The following SRRM4 variants were observed in gnomAD, a reference collection of about 807,000 sequenced individuals.
The protein encoded by SRRM4 is serine/arginine repetitive matrix 4, also known as serine/arginine repetitive matrix protein 4.
In SRRM4, 33 loss-of-function variants were observed where a neutral mutation model predicts 68.9. The ratio of observed to expected loss-of-function variants is 0.48; its 90% CI spans 0.36 to 0.64. SRRM4 has a LOEUF of 0.64. SRRM4 is among the 30% of genes least tolerant of loss of function. The pLI is 0.00. For missense variants in SRRM4, 817 were observed against 827.1 expected (o/e 0.99, Z 0.15); for synonymous variants, 318 against 318.8 (o/e 1.00, Z 0.03).
At chr12:118,992,652 T>A (rs1206963850) in intron 1 of SRRM4, among the ~76,000 whole-genome samples, 1 of 152,178 alleles carries the variant, frequency 6.6e-6, no homozygotes, top group Non-Finnish European at 1.5e-5. Flanking sequence ...CCATCATCAT[T>A]ATAGCACCTT....
Position 119,113,905 on chromosome 12 carries a change from G to A in SRRM4, c.279-373G>A, listed in dbSNP as rs115903529. On this transcript the variant is annotated intron_variant, in intron 2 of 12. Coordinates refer to ENST00000267260, the MANE Select transcript of SRRM4 (RefSeq NM_194286.4). ...CTATTAAATTTCCAGCAGGAACTAC[G>A]GACACGATATATTGGGGAGGGAGGG... Among the ~76,000 whole-genome samples, 335 of 152,198 alleles carry A rather than the reference G, an allele frequency of 2.2e-3. 2 individuals carry two copies. The highest frequency in any genetic ancestry group is 7.8e-3 in the African/African-American group (323 of 41,538).
chr12:119,145,374 C>T lies in SRRM4; in HGVS notation c.772-7C>T, dbSNP rs1386822972. On this transcript the variant is annotated splice_region_variant and splice_polypyrimidine_tract_variant and intron_variant, in intron 8 of 12. Transcript: ENST00000267260. ...CAGCAGTGTCCAACGGGTCTTTTTGCTTTCAGATCACTGGGTCGGGGTCTG... is the reference window on the plus strand; with the variant it reads ...CAGCAGTGTCCAACGGGTCTTTTTGTTTTCAGATCACTGGGTCGGGGTCTG... The T allele has an allele frequency of 6.3e-7, 1 of 1,597,652 alleles. No homozygotes were observed. Among genetic ancestry groups the T allele is most frequent in the Non-Finnish European group, 8.5e-7 (1 of 1,171,774 alleles).
At chr12:119,120,535 TACC>T (rs1361506338) in intron 5 of SRRM4, among the ~76,000 whole-genome samples, 1 of 14,548 alleles carries the variant, frequency 6.9e-5, no homozygotes, top group Non-Finnish European at 1.2e-4. Context: ...GTCTCATTAC[TACC>T]CCTGCCACTG....
At chr12:119,117,724 C>T (rs1433424447) in intron 4 of SRRM4, among the ~76,000 whole-genome samples, 1 of 152,070 alleles carries the variant, frequency 6.6e-6, no homozygotes, top group Non-Finnish European at 1.5e-5. Context: ...CCATCCTGGC[C>T]AACATGGTGA....
chr12:119,037,341 T>G (rs1448252580), intron 1 of SRRM4, among the ~76,000 whole-genome samples: 1 of 152,008 alleles, frequency 6.6e-6, no homozygotes. Context: ...CAATCCAGAA[T>G]GCAAACAGAT....
At chr12:119,096,194 T>C (rs1954043636) in intron 1 of SRRM4, among the ~76,000 whole-genome samples, 1 of 149,738 alleles carries the variant, frequency 6.7e-6, no homozygotes, top group Non-Finnish European at 1.5e-5. Flanking sequence ...CTAATTTTTT[T>C]TTTTTTTTTT....
Position 119,019,161 on chromosome 12 carries a change from C to G in SRRM4, c.131+37148C>G, listed in dbSNP as rs74929701. ...CTGCAGAGAGGATCTGATCGGTAAA[C>G]GTGATGTGTAAATCAATGTGTCATA... On this transcript the variant is annotated intron_variant, in intron 1 of 12. Coordinates refer to ENST00000267260, the MANE Select transcript of SRRM4 (RefSeq NM_194286.4). Among the ~76,000 whole-genome samples the G allele has an allele frequency of 5.2e-3, 791 of 152,252 alleles. 8 individuals carry two copies. The highest frequency in any genetic ancestry group is 0.018 in the African/African-American group (729 of 41,544).
intron 8 of SRRM4, among the ~76,000 whole-genome samples, chr12:119,138,812 T>C (rs1954346722): frequency 6.6e-6 from 1 of 152,142 alleles, no homozygotes; most frequent in South Asian, 2.1e-4. Context: ...AAGTAGATCT[T>C]GTGGAAGCTG....
intron 1 of SRRM4, among the ~76,000 whole-genome samples, chr12:119,078,371 C>T (rs1202076741): frequency 6.6e-6 from 1 of 152,118 alleles, no homozygotes; most frequent in African/African-American, 2.4e-5. Flanking sequence ...ATTACAGGTG[C>T]ACAATTAATG....
intron 1 of SRRM4, among the ~76,000 whole-genome samples, chr12:119,097,620 C>T (rs1467366260): frequency 6.6e-6 from 1 of 152,142 alleles, no homozygotes; most frequent in African/African-American, 2.4e-5. Context: ...AAAAATCTAC[C>T]ACATCAGAGG....
At chr12:119,033,147 C>T (rs1038983575) in intron 1 of SRRM4, among the ~76,000 whole-genome samples, 1 of 151,976 alleles carries the variant, frequency 6.6e-6, no homozygotes, top group African/African-American at 2.4e-5. Context: ...TTCCTTCCTC[C>T]TTTGTTTTAA....
intron 2 of SRRM4, among the ~76,000 whole-genome samples, chr12:119,103,276 A>G (rs1468867202): frequency 6.6e-6 from 1 of 151,636 alleles, no homozygotes; most frequent in Admixed American, 6.6e-5. Context: ...CTTTTATTTT[A>G]GGTTTGGGGC....
intron 8 of SRRM4, 78 bp downstream of exon 8, chr12:119,130,912 T>C: frequency 2.0e-5 from 29 of 1,423,202 alleles, no homozygotes; most frequent in Non-Finnish European, 2.6e-5. Flanking sequence ...TTCAGGGCAG[T>C]GTATGGTACA....
intron 1 of SRRM4, among the ~76,000 whole-genome samples, chr12:119,004,678 AG>A (rs1450247525): frequency 6.6e-6 from 1 of 151,928 alleles, no homozygotes; most frequent in Non-Finnish European, 1.5e-5. Flanking sequence ...CCATTCAACA[AG>A]TCAGCCCGGC....
At chr12:119,038,876 C>T (rs1953646882) in intron 1 of SRRM4, among the ~76,000 whole-genome samples, 1 of 152,190 alleles carries the variant, frequency 6.6e-6, no homozygotes, top group African/African-American at 2.4e-5. Context: ...AAAACACATA[C>T]TGTTATTACG....
In SRRM4 at chr12:119,043,807, CAA is replaced by C. The variant is rs1491305166; in HGVS notation, c.132-58428_132-58427del. ...ACACACACACACACACACACACACA[CAA>C]GTCTTGGGCATCTCCTGATGCCCTT... On this transcript the variant is annotated intron_variant, in intron 1 of 12. Coordinates refer to ENST00000267260, the MANE Select transcript of SRRM4 (RefSeq NM_194286.4). Among the ~76,000 whole-genome samples, 11 of 151,430 alleles carry C rather than the reference CAA, an allele frequency of 7.3e-5. No individual in the cohort carries two copies. The East Asian group carries it at 1.4e-3, about 19-fold the overall frequency.
rs564137956 is a variant in SRRM4, at chr12:119,070,933, G to A, written c.132-31303G>A. On this transcript the variant is annotated intron_variant, in intron 1 of 12. Coordinates refer to ENST00000267260, the MANE Select transcript of SRRM4 (RefSeq NM_194286.4). Reference sequence around the variant, plus strand: ...CCCGTCTTTACTCCACTGCCTCTGAGGCTCAGAGATTAAACACAGCGGGGA... The same window carrying A: ...CCCGTCTTTACTCCACTGCCTCTGAAGCTCAGAGATTAAACACAGCGGGGA... 1.2e-4 allele frequency among the ~76,000 whole-genome samples: 18 copies of A among 152,272 alleles called. No individual in the cohort carries two copies. The South Asian group carries it at 3.7e-3, about 32-fold the overall frequency.
intron 1 of SRRM4, among the ~76,000 whole-genome samples, chr12:119,097,008 G>C (rs75753406): frequency 3.2e-4 from 48 of 152,102 alleles, no homozygotes; most frequent in African/African-American, 1.1e-3. Flanking sequence ...GAACAGAGCC[G>C]CCGGGAGGCC....
chr12:119,027,479 T>G (rs1410669785), intron 1 of SRRM4, among the ~76,000 whole-genome samples: 1 of 152,244 alleles, frequency 6.6e-6, no homozygotes, highest in Non-Finnish European at 1.5e-5. Flanking sequence ...CTAGTAATCT[T>G]ATCTTTTAAG....
Sources: allele counts gnomAD v4.1 joint callset (sites outside exome capture counted in the v4.1 genomes callset), GRCh38; gene constraint gnomAD v4.1.1; transcripts MANE v1.5; gene names NCBI Gene and HGNC (gene_info 2026-07-23, HGNC 2026-07-21).